Variants in AFF1 observed in about 807,000 individuals in gnomAD.
The protein encoded by AFF1 is AF4/FMR2 family member 1.
AFF1 carries 48 observed loss-of-function variants against 121.7 expected under a neutral mutation model. The ratio of observed to expected loss-of-function variants is 0.39; its 90% confidence interval spans 0.31 to 0.50. AFF1 has a LOEUF of 0.50. Among genes scored for constraint, AFF1 ranks in the 20% least tolerant of loss-of-function variants. The probability of loss-of-function intolerance (pLI) is 0.76; values close to 1 mark genes in which losing one functional copy is unlikely to be tolerated. For missense variants in AFF1, 1,523 were observed against 1,511.7 expected (o/e 1.01, Z -0.12); for synonymous variants, 613 against 563.0 (o/e 1.09, Z -1.26).
intron 7 of AFF1, among the ~76,000 whole-genome samples, chr4:87,093,315 T>C (rs758565886): frequency 2.4e-4 from 36 of 152,118 alleles, no homozygotes; most frequent in Non-Finnish European, 4.6e-4. Context: ...TTATTTATCT[T>C]TGTGAGAATG....
Position 87,001,027 on chromosome 4 carries a change from C to G in AFF1, c.39-45139C>G, listed in dbSNP as rs79144785. ...ATATAGTCAGGCATAGGCACCTTGCCGCAGGCTTGTTACCTGGATGTGTTT... is the reference window on the plus strand; with the variant it reads ...ATATAGTCAGGCATAGGCACCTTGCGGCAGGCTTGTTACCTGGATGTGTTT... On this transcript the variant is annotated intron_variant, in intron 2 of 20. Transcript: ENST00000395146. 4.8e-3 allele frequency among the ~76,000 whole-genome samples: 726 copies of G among 151,992 alleles called. 5 individuals carry two copies. The highest frequency in any genetic ancestry group is 0.017 in the African/African-American group (692 of 41,476).
chr4:87,139,613 G>A lies in AFF1; in HGVS notation c.*3912G>A. The A allele has an allele frequency of 4.3e-6, 1 of 230,074 alleles. No individual in the cohort carries two copies. 14.3% of individuals were successfully genotyped at this position (230,074 alleles called of 1,614,324 possible). ...AGGGATGCTAGGATCAATTATGGCA[G>A]TACCTTTTTTCCCCTCCTGTTCTTG... On this transcript the variant is annotated 3_prime_UTR_variant, in exon 21 of 21. Transcript: ENST00000395146.
At chr4:86,949,706 T>G (rs1578830316) in intron 2 of AFF1, 1 of 1,579,212 alleles carries the variant, frequency 6.3e-7, no homozygotes, top group Non-Finnish European at 8.6e-7. Context: ...CAGGGGCGGG[T>G]AGTCCCGGAA....
chr4:86,935,443 A>T (rs1719889720), intron 1 of AFF1: 1 of 152,456 alleles, frequency 6.6e-6, no homozygotes, highest in East Asian at 1.9e-4. Context: ...TCACCGCCCT[A>T]CTTGCGATCC....
intron 11 of AFF1, among the ~76,000 whole-genome samples, 159 bp from the exon 12 acceptor site, chr4:87,114,208 T>C (rs1376693611): frequency 1.3e-5 from 2 of 152,224 alleles, no homozygotes. Context: ...TTAATTGTTA[T>C]AGAACTTATA....
intron 1 of AFF1, among the ~76,000 whole-genome samples, chr4:86,941,064 A>G (rs558431987): frequency 2.6e-5 from 4 of 152,130 alleles, no homozygotes; most frequent in Non-Finnish European, 5.9e-5. Flanking sequence ...ACTGCACTCC[A>G]GCCTGGGTGA....
At chr4:87,004,208 T>C (rs1378185044) in intron 2 of AFF1, among the ~76,000 whole-genome samples, 1 of 152,180 alleles carries the variant, frequency 6.6e-6, no homozygotes, top group Admixed American at 6.5e-5. Flanking sequence ...GGAATAGCTG[T>C]AATATATAAC....
Position 87,022,663 on chromosome 4 carries a change from T to G in AFF1, c.39-23503T>G, listed in dbSNP as rs1250349859. 2.5e-3 allele frequency among the ~76,000 whole-genome samples: 40 copies of G among 16,098 alleles called. 1 individual carries two copies. The highest frequency in any genetic ancestry group is 4.0e-3 in the African/African-American group (36 of 8,934). 10.6% of individuals were successfully genotyped at this position (16,098 alleles called of 152,430 possible). A position where few individuals can be genotyped will look rare whatever the true frequency, so the allele number is the denominator to read the frequency against. ...GTATATATGTGTGTGTATATATATG[T>G]GTGTGTATATATATGTGTGTGTATG... On this transcript the variant is annotated intron_variant, in intron 2 of 20. Coordinates refer to ENST00000395146, the MANE Select transcript of AFF1 (RefSeq NM_001166693.3).
chr4:87,097,567 T>C (rs1299052435), intron 8 of AFF1, among the ~76,000 whole-genome samples: 1 of 152,202 alleles, frequency 6.6e-6, no homozygotes, highest in African/African-American at 2.4e-5. Flanking sequence ...TTAGTACATA[T>C]AAAATTATCT....
At chr4:87,011,392 T>C (rs1018846142) in intron 2 of AFF1, among the ~76,000 whole-genome samples, 20 of 152,120 alleles carry the variant, frequency 1.3e-4, no homozygotes, top group African/African-American at 4.6e-4. Context: ...ATGAAGCTGG[T>C]TTTTGGTGGA....
At chr4:86,957,282 A>G (rs771628132) in intron 2 of AFF1, among the ~76,000 whole-genome samples, 5 of 152,188 alleles carry the variant, frequency 3.3e-5, no homozygotes, top group Non-Finnish European at 5.9e-5. Flanking sequence ...CTTCCATTAT[A>G]ACAGTACTTT....
intron 2 of AFF1, among the ~76,000 whole-genome samples, chr4:86,998,900 A>G (rs1284591389): frequency 1.3e-5 from 2 of 152,164 alleles, no homozygotes; most frequent in East Asian, 3.9e-4. Flanking sequence ...TTTTGGTAGC[A>G]ATATGTGTGG....
chr4:87,106,579 T>G (rs1725935337), intron 10 of AFF1, among the ~76,000 whole-genome samples: 1 of 152,226 alleles, frequency 6.6e-6, no homozygotes, highest in African/African-American at 2.4e-5. Context: ...TCATATTGTT[T>G]CAGCTGCTTT....
chr4:86,978,998 C>A (rs1038726077), intron 2 of AFF1, among the ~76,000 whole-genome samples: 3 of 152,182 alleles, frequency 2.0e-5, no homozygotes, highest in African/African-American at 7.2e-5. Flanking sequence ...CTCTAGTGGT[C>A]CAATGAAGTG....
intron 2 of AFF1, among the ~76,000 whole-genome samples, chr4:86,966,445 C>T (rs146578025): frequency 6.6e-6 from 1 of 152,226 alleles, no homozygotes; most frequent in African/African-American, 2.4e-5. Flanking sequence ...TGGATTTTCT[C>T]TGTATAATCT....
At chr4:86,941,640 A>G (rs1342539584) in intron 1 of AFF1, among the ~76,000 whole-genome samples, 1 of 151,992 alleles carries the variant, frequency 6.6e-6, no homozygotes, top group Non-Finnish European at 1.5e-5. Flanking sequence ...CAATAGAGCA[A>G]GACTCTGTCT....
chr4:87,009,882 A>T (rs1726557776), intron 2 of AFF1, among the ~76,000 whole-genome samples: 1 of 152,222 alleles, frequency 6.6e-6, no homozygotes, highest in Non-Finnish European at 1.5e-5. Context: ...TGCTCTTGAG[A>T]CAATTAATTT....
At chr4:86,938,031 A>G (rs1720167493) in intron 1 of AFF1, among the ~76,000 whole-genome samples, 2 of 152,202 alleles carry the variant, frequency 1.3e-5, no homozygotes, top group South Asian at 2.1e-4. Context: ...TGAAAAGCTG[A>G]TGGAAGGAGT....
intron 8 of AFF1, among the ~76,000 whole-genome samples, chr4:87,096,298 CTTTT>C (rs10593271): frequency 7.7e-4 from 44 of 57,048 alleles, no homozygotes; most frequent in African/African-American, 2.6e-3. Context: ...TTGTTATTCC[CTTTT>C]TTTTTTTTTT....
Sources: gnomAD v4.1 joint callset for allele counts (sites outside exome capture counted in the v4.1 genomes callset) on GRCh38, gnomAD v4.1.1 for gene constraint, MANE v1.5 for transcripts, NCBI Gene and HGNC (gene_info 2026-07-23, HGNC 2026-07-21) for gene names.